Variants in ANKRD13B observed in about 807,000 individuals in gnomAD.
ANKRD13B encodes the protein ankyrin repeat domain 13B.
In ANKRD13B, 33 loss-of-function variants were observed where a neutral mutation model predicts 74.4. The ratio of observed to expected loss-of-function variants is 0.44; its 90% CI spans 0.34 to 0.59. The LOEUF (loss-of-function observed/expected upper bound fraction) is 0.59, where lower values mean the gene tolerates loss of function less well. ANKRD13B is among the 20% of genes least tolerant of loss of function. ANKRD13B has a pLI of 0.02. For missense variants in ANKRD13B, 676 were observed against 877.9 expected, an observed-to-expected ratio of 0.77 and a Z score of 2.91; for synonymous variants, 341 against 362.9, an observed-to-expected ratio of 0.94 and a Z score of 0.68.
At chr17:29,606,927 G>C (rs983826167) in intron 1 of ANKRD13B, among the ~76,000 whole-genome samples, 16 of 151,758 alleles carry the variant, frequency 1.1e-4, no homozygotes, top group African/African-American at 3.9e-4. Flanking sequence ...GCGAATGTCT[G>C]TAATCCCAGC....
chr17:29,602,518 A>T (rs1171680642), intron 1 of ANKRD13B, among the ~76,000 whole-genome samples: 1 of 151,910 alleles, frequency 6.6e-6, no homozygotes, highest in African/African-American at 2.4e-5. Flanking sequence ...TCTCTTTCAG[A>T]TTCTGGTGAC....
chr17:29,603,852 C>T (rs2034265365), intron 1 of ANKRD13B, among the ~76,000 whole-genome samples: 1 of 150,264 alleles, frequency 6.7e-6, no homozygotes, highest in Admixed American at 6.6e-5. Context: ...TTATTTTTCT[C>T]CTGATTATAG....
In ANKRD13B at chr17:29,611,470, C is replaced by G. The variant is rs1251961068; in HGVS notation, c.905-109C>G. On this transcript the variant is annotated intron_variant, in intron 8 of 14. Transcript: ENST00000394859. This position sits in a 1 kb window ranked among gnomAD's most constrained non-coding sequence, Gnocchi z 4.3. ...AGTATGTGGTTGGGTGAGCAGGCCC[C>G]ACCCCAGGAACCGGCCTCCTCCCTA... 8.5e-7 allele frequency: 1 copy of G among 1,170,464 alleles called. No homozygotes were observed. Among genetic ancestry groups the G allele is most frequent in the East Asian group, 2.4e-5 (1 of 41,984 alleles). The allele number at this position is 1,170,464 out of a possible 1,614,324, so 72.5% of individuals were successfully genotyped here.
At chr17:29,593,759 C>T in intron 1 of ANKRD13B, 24 bp downstream of exon 1, 1 of 1,347,278 alleles carries the variant, frequency 7.4e-7, no homozygotes, top group Non-Finnish European at 9.6e-7. Context: ...CGGGGCGCCG[C>T]GGGGACCCCG....
intron 1 of ANKRD13B, among the ~76,000 whole-genome samples, chr17:29,603,140 C>T (rs1327423803): frequency 6.6e-6 from 1 of 152,082 alleles, no homozygotes; most frequent in East Asian, 1.9e-4. Context: ...TGAGCCACCG[C>T]ACCCGGCCTA....
chr17:29,607,851 G>A lies in ANKRD13B; in HGVS notation c.224G>A (p.Gly75Asp). 6.2e-7 allele frequency: 1 copy of A among 1,603,140 alleles called. No homozygotes were observed. The highest frequency in any genetic ancestry group is 8.5e-7 in the Non-Finnish European group (1 of 1,176,984). ...RVLLAHGADV[G>D]RENRSGWTVL... Reference sequence around the variant, plus strand: ...CTCCTGGCGCACGGCGCAGACGTGGGCAGGGAGAATCGCAGCGGCTGGACA... The same window carrying A: ...CTCCTGGCGCACGGCGCAGACGTGGACAGGGAGAATCGCAGCGGCTGGACA... The change falls in exon 2 of 15, where the codon GGC becomes GAC. Residue 75 changes from glycine to aspartate, a missense_variant. Physicochemically the swap from Gly to Asp is moderately conservative, Grantham distance 94. This residue lies in a region of ANKRD13B where 328 missense variants were observed against 518.4 expected (regional missense o/e 0.63). Coordinates refer to ENST00000394859, the MANE Select transcript of ANKRD13B (RefSeq NM_152345.5).
chr17:29,607,036 TGA>T (rs2034413764), intron 1 of ANKRD13B, among the ~76,000 whole-genome samples: 1 of 151,492 alleles, frequency 6.6e-6, no homozygotes, highest in Admixed American at 6.6e-5. Flanking sequence ...GCCAACAGAG[TGA>T]GACTCCGTCC....
chr17:29,595,937 C>G (rs976917151), intron 1 of ANKRD13B, among the ~76,000 whole-genome samples: 2 of 152,194 alleles, frequency 1.3e-5, no homozygotes, highest in African/African-American at 4.8e-5. Flanking sequence ...CTCCCCAGGG[C>G]ACCAGGCTCT....
chr17:29,609,502 C>T lies in ANKRD13B; in HGVS notation c.822+81C>T. The T allele has an allele frequency of 2.0e-6, 3 of 1,526,836 alleles. No homozygotes were observed. The highest frequency in any genetic ancestry group is 2.7e-5 in the African/African-American group (2 of 72,884). The allele number at this position is 1,526,836 out of a possible 1,614,324, so 94.6% of individuals were successfully genotyped here. ...GTACAGGGGATTCTGACCTCCCTTC[C>T]CCAGCCCTGGAGGTACAGAAGCAAT... On this transcript the variant is annotated intron_variant, in intron 7 of 14. Coordinates refer to ENST00000394859, the MANE Select transcript of ANKRD13B (RefSeq NM_152345.5). The surrounding 1 kb of genome is among the most constrained non-coding windows in gnomAD (Gnocchi z 4.0).
chr17:29,597,650 C>A (rs1285893295), intron 1 of ANKRD13B, among the ~76,000 whole-genome samples: 4 of 152,104 alleles, frequency 2.6e-5, no homozygotes, highest in Non-Finnish European at 5.9e-5. Context: ...AAGCTGGAGG[C>A]CTCTGCTGAG....
chr17:29,612,310 G>A lies in ANKRD13B; in HGVS notation c.1258+37G>A, dbSNP rs759217031. On this transcript the variant is annotated intron_variant, in intron 11 of 14. Coordinates refer to ENST00000394859, the MANE Select transcript of ANKRD13B (RefSeq NM_152345.5). This position sits in a 1 kb window ranked among gnomAD's most constrained non-coding sequence, Gnocchi z 6.1. ...CGGCCATTTCTCCTGAGCCCGTGGC[G>A]GGCCGACCGGGGTTTAGATGAGGTC... 3.7e-6 allele frequency: 6 copies of A among 1,612,484 alleles called. No homozygotes were observed. Among genetic ancestry groups the A allele is most frequent in the African/African-American group, 1.3e-5 (1 of 75,018 alleles).
rs2034576028 is a variant in ANKRD13B, at chr17:29,611,440, G to A, written c.905-139G>A. The A allele has an allele frequency of 1.3e-6, 1 of 782,862 alleles. No homozygotes were observed. 48.5% of individuals were successfully genotyped at this position (782,862 alleles called of 1,614,324 possible). ...CACTCAGTCCCCTTCAGGTGAAGGT[G>A]CCTGAGTATGTGGTTGGGTGAGCAG... On this transcript the variant is annotated intron_variant, in intron 8 of 14. Transcript: ENST00000394859. This position sits in a 1 kb window ranked among gnomAD's most constrained non-coding sequence, Gnocchi z 4.3.
chr17:29,608,750 C>A lies in ANKRD13B; in HGVS notation c.422-101C>A. 6.7e-7 allele frequency: 1 copy of A among 1,485,850 alleles called. No homozygotes were observed. Among genetic ancestry groups the A allele is most frequent in the Non-Finnish European group, 9.1e-7 (1 of 1,095,456 alleles). 92.0% of individuals were successfully genotyped at this position (1,485,850 alleles called of 1,614,324 possible). A position where few individuals can be genotyped will look rare whatever the true frequency, so the allele number is the denominator to read the frequency against. ...GGCTGCTCTCTCTTCAGTTCCCTCC[C>A]CTGTTCCTGGCCACACGGATCCCAA... On this transcript the variant is annotated intron_variant, in intron 4 of 14. Coordinates refer to ENST00000394859, the MANE Select transcript of ANKRD13B (RefSeq NM_152345.5). The surrounding 1 kb of genome is among the most constrained non-coding windows in gnomAD (Gnocchi z 6.4).
chr17:29,599,865 GTTTTTTT>G (rs35600194), intron 1 of ANKRD13B, among the ~76,000 whole-genome samples: 10 of 50,766 alleles, frequency 2.0e-4, no homozygotes, highest in Non-Finnish European at 3.0e-4. Context: ...CATCTAATTT[GTTTTTTT>G]TTTTTTTTTT....
chr17:29,593,888 A>C, intron 1 of ANKRD13B, 153 bp downstream of exon 1: 4 of 130,474 alleles, frequency 3.1e-5, no homozygotes, highest in Non-Finnish European at 3.9e-5. Context: ...TTGACCGGGA[A>C]AGGGTGATCC....
In ANKRD13B at chr17:29,613,653, C is replaced by G. The variant is rs1427952384; in HGVS notation, c.*71C>G. ...GGGCCAGGAGCCAGACAAACCCCGG[C>G]CTGCGCGCCTGCAGAGCGGCGGCTG... is the stretch of plus-strand genomic sequence containing the variant. On this transcript the variant is annotated 3_prime_UTR_variant, in exon 15 of 15. Coordinates refer to ENST00000394859, the MANE Select transcript of ANKRD13B (RefSeq NM_152345.5). 1 of 1,374,096 alleles carries G rather than the reference C, an allele frequency of 7.3e-7. No individual in the cohort carries two copies. Among genetic ancestry groups the G allele is most frequent in the East Asian group, 3.1e-5 (1 of 32,432 alleles). The allele number at this position is 1,374,096 out of a possible 1,614,324, so 85.1% of individuals were successfully genotyped here. A position where few individuals can be genotyped will look rare whatever the true frequency, so the allele number is the denominator to read the frequency against.
chr17:29,606,728 TAAAAAAAAAAAAA>T (rs370548766), intron 1 of ANKRD13B, among the ~76,000 whole-genome samples: 4 of 62,974 alleles, frequency 6.4e-5, no homozygotes, highest in East Asian at 5.0e-4. Context: ...CTGTCTCAAG[TAAAAAAAAAAAAA>T]AAAAAAAAAA....
At chr17:29,610,149 G>A (rs934450880) in intron 7 of ANKRD13B, among the ~76,000 whole-genome samples, 14 of 144,278 alleles carry the variant, frequency 9.7e-5, no homozygotes, top group South Asian at 2.3e-4. Flanking sequence ...CAGCGATCCC[G>A]CCACAGCACT....
At chr17:29,599,959 C>T (rs749056908) in intron 1 of ANKRD13B, among the ~76,000 whole-genome samples, 3 of 137,872 alleles carry the variant, frequency 2.2e-5, no homozygotes, top group Non-Finnish European at 4.6e-5. Flanking sequence ...TCACTGCAAG[C>T]TCCGCCTCCC....
Sources: gnomAD v4.1 joint callset for allele counts (sites outside exome capture counted in the v4.1 genomes callset) on GRCh38, gnomAD v4.1.1 for gene constraint, gnomAD v4.1.1 regional missense constraint, Gnocchi (gnomAD v3.1) non-coding constraint, MANE v1.5 for transcripts, NCBI Gene and HGNC (gene_info 2026-07-23, HGNC 2026-07-21) for gene names.